Variants in NWD2 observed in about 807,000 individuals in gnomAD.
The protein encoded by NWD2 is NACHT and WD repeat domain containing 2, also known as NACHT and WD repeat domain-containing protein 2.
In NWD2, 37 loss-of-function variants were observed where a neutral mutation model predicts 132.7. That is an observed-to-expected ratio of 0.28 (90% CI 0.21 to 0.37). NWD2 has a LOEUF of 0.37. Among genes scored for constraint, NWD2 ranks in the 10% least tolerant of loss-of-function variants. The probability of loss-of-function intolerance (pLI) is 1.00; values close to 1 mark genes in which losing one functional copy is unlikely to be tolerated. For synonymous variants in NWD2, 705 were observed against 803.0 expected, an observed-to-expected ratio of 0.88 and a Z score of 2.06; for missense variants, 1,592 against 2,122.4, an observed-to-expected ratio of 0.75 and a Z score of 4.91.
rs1191721294 is a variant in NWD2 at position 37,448,494 on chromosome 4, G to A, written c.*1277G>A. 2 of 152,142 alleles carry A rather than the reference G, an allele frequency of 1.3e-5. No individual in the cohort carries two copies. The highest frequency in any genetic ancestry group is 2.4e-5 in the African/African-American group (1 of 41,436). 9.4% of individuals were successfully genotyped at this position (152,142 alleles called of 1,614,324 possible). ...AATATTTTTTAAAATTAATTCACCT[G>A]TTTAAAAGAAAACATTGCATCTCAA... On this transcript the variant is annotated 3_prime_UTR_variant, in exon 7 of 7. Coordinates refer to ENST00000309447, the MANE Select transcript of NWD2 (RefSeq NM_001144990.2).
At chr4:37,360,273 A>G (rs7694201) in intron 3 of NWD2, among the ~76,000 whole-genome samples, 147,043 of 152,256 alleles carry the variant, frequency 0.97, 71,219 homozygotes, top group East Asian at 1. Context: ...CTTAAAATGT[A>G]ATTTATTTTC....
chr4:37,299,604 G>C (rs529401912), intron 1 of NWD2, among the ~76,000 whole-genome samples: 2 of 152,106 alleles, frequency 1.3e-5, no homozygotes, highest in Admixed American at 1.3e-4. Context: ...TGGGGACCCA[G>C]CAATCTTTCC....
At chr4:37,330,610 G>A (rs567000096) in intron 2 of NWD2, among the ~76,000 whole-genome samples, 155 of 152,282 alleles carry the variant, frequency 1.0e-3, no homozygotes, top group Middle Eastern at 6.8e-3. Context: ...ATGAACAAAA[G>A]CATCCTAATT....
chr4:37,346,608 T>C (rs1719642288), intron 2 of NWD2, among the ~76,000 whole-genome samples: 1 of 152,190 alleles, frequency 6.6e-6, no homozygotes, highest in African/African-American at 2.4e-5. Context: ...TGGGGAGTAT[T>C]GCCATCCTAA....
chr4:37,410,675 C>G (rs1264749714), intron 3 of NWD2, among the ~76,000 whole-genome samples: 1 of 152,168 alleles, frequency 6.6e-6, no homozygotes, highest in Non-Finnish European at 1.5e-5. Context: ...CTCTCCACCC[C>G]AAATCAACAG....
At position 37,448,376 on chromosome 4, in the gene NWD2, T is replaced by A. The variant is rs1712699856; in HGVS notation, c.*1159T>A. On this transcript the variant is annotated 3_prime_UTR_variant, in exon 7 of 7. Transcript: ENST00000309447. ...TTCTTACTTCTACACACCATCTGTA[T>A]GCTTCTTTATCTGTTACTCTTCCTG... The A allele has an allele frequency of 6.6e-6, 1 of 152,252 alleles. No homozygotes were observed. Among genetic ancestry groups the A allele is most frequent in the African/African-American group, 2.4e-5 (1 of 41,462 alleles). The allele number at this position is 152,252 out of a possible 1,614,324, so 9.4% of individuals were successfully genotyped here.
chr4:37,406,803 G>A (rs908904602), intron 3 of NWD2, among the ~76,000 whole-genome samples: 5 of 152,196 alleles, frequency 3.3e-5, no homozygotes, highest in African/African-American at 1.2e-4. Context: ...GGCTGAGGCA[G>A]GAGAATTGTT....
intron 1 of NWD2, among the ~76,000 whole-genome samples, chr4:37,307,144 C>G (rs1007793080): frequency 3.6e-4 from 55 of 152,146 alleles, no homozygotes; most frequent in African/African-American, 1.3e-3. Context: ...AGTTTAACTC[C>G]AATGTTGGCT....
At chr4:37,307,752 A>C (rs1406732014) in intron 1 of NWD2, among the ~76,000 whole-genome samples, 1 of 152,140 alleles carries the variant, frequency 6.6e-6, no homozygotes, top group African/African-American at 2.4e-5. Context: ...GAAATTCCAT[A>C]ATACAAATAT....
At chr4:37,268,395 A>C (rs185972370) in intron 1 of NWD2, among the ~76,000 whole-genome samples, 1 of 152,050 alleles carries the variant, frequency 6.6e-6, no homozygotes, top group Admixed American at 6.6e-5. Context: ...CTTTAATCAT[A>C]GATCTTTTAC....
intron 4 of NWD2, among the ~76,000 whole-genome samples, chr4:37,431,554 C>T (rs1364200360): frequency 6.6e-6 from 1 of 152,146 alleles, no homozygotes; most frequent in Non-Finnish European, 1.5e-5. Context: ...TCAAAGGTCA[C>T]AAACTTTCAT....
intron 3 of NWD2, among the ~76,000 whole-genome samples, chr4:37,371,404 C>G (rs1352758851): frequency 6.6e-6 from 1 of 152,100 alleles, no homozygotes; most frequent in African/African-American, 2.4e-5. Flanking sequence ...GCAATAAGTA[C>G]ATCTTTCTTA....
Position 37,444,893 on chromosome 4 carries a change from C to T in NWD2, c.2905C>T (p.His969Tyr), listed in dbSNP as rs369689637. 1.5e-5 allele frequency: 24 copies of T among 1,552,324 alleles called. No homozygotes were observed. The African/African-American group carries it at 3.1e-4, about 20-fold the overall frequency. The change falls in exon 7 of 7, where the codon CAT (histidine) becomes TAT (tyrosine). Residue 969 changes from histidine (H) to tyrosine (Y), a missense_variant. Physicochemically the swap from His to Tyr is moderately conservative, Grantham distance 83 (BLOSUM62 2). Transcript: ENST00000309447. The surrounding 1 kb of genome is among the most constrained non-coding windows in gnomAD (Gnocchi z 4.8). ...TCTTCCCTTATCATCCAGTCACCTG[C>T]ATGTCACAGAGATCCTGCCTACCTG... The part of the protein sequence containing the change: ...ERLPLSSSHL[H>Y]VTEILPTCNP...
chr4:37,268,635 C>A (rs1333250410), intron 1 of NWD2, among the ~76,000 whole-genome samples: 1 of 151,762 alleles, frequency 6.6e-6, no homozygotes, highest in African/African-American at 2.4e-5. Flanking sequence ...GTAGAAAGAT[C>A]ATTCATTGGC....
At chr4:37,427,785 C>A (rs1330476712) in intron 3 of NWD2, among the ~76,000 whole-genome samples, 1 of 152,104 alleles carries the variant, frequency 6.6e-6, no homozygotes, top group Non-Finnish European at 1.5e-5. Flanking sequence ...TTCAGTAAAC[C>A]AGTTATATGA....
At chr4:37,337,416 T>G (rs1719431357) in intron 2 of NWD2, among the ~76,000 whole-genome samples, 1 of 152,156 alleles carries the variant, frequency 6.6e-6, no homozygotes, top group Non-Finnish European at 1.5e-5. Flanking sequence ...AAGAGGCAAG[T>G]GTCAGCTTCC....
chr4:37,342,322 A>C (rs2109295302), intron 2 of NWD2, among the ~76,000 whole-genome samples: 1 of 152,124 alleles, frequency 6.6e-6, no homozygotes, highest in East Asian at 1.9e-4. Context: ...CTTGCCTTCC[A>C]CCATGAGTAA....
chr4:37,426,358 C>T (rs1237165034), intron 3 of NWD2, among the ~76,000 whole-genome samples: 2 of 152,086 alleles, frequency 1.3e-5, no homozygotes, highest in Non-Finnish European at 2.9e-5. Flanking sequence ...AACTTTAAGC[C>T]TGTAGCATAT....
chr4:37,369,026 A>T (rs1054825896), intron 3 of NWD2, among the ~76,000 whole-genome samples: 3 of 152,190 alleles, frequency 2.0e-5, no homozygotes, highest in African/African-American at 7.2e-5. Flanking sequence ...ATTGGTAAGA[A>T]GTTGTTGACT....
Sources: gnomAD v4.1 joint callset for allele counts (sites outside exome capture counted in the v4.1 genomes callset) on GRCh38, gnomAD v4.1.1 for gene constraint, Gnocchi (gnomAD v3.1) non-coding constraint, MANE v1.5 for transcripts, NCBI Gene and HGNC (gene_info 2026-07-23, HGNC 2026-07-21) for gene names.